UNC5D: variants seen among roughly 807,000 people sequenced by gnomAD.
UNC5D encodes netrin receptor UNC5D.
UNC5D carries 39 observed loss-of-function variants against 105.4 expected under a neutral mutation model. The ratio of observed to expected loss-of-function variants is 0.37; its 90% CI spans 0.29 to 0.48. UNC5D has a LOEUF of 0.48. Ranked by LOEUF, UNC5D falls within the 20% of genes least tolerant of loss-of-function variation. The probability of loss-of-function intolerance (pLI) is 0.98; values close to 1 mark genes in which losing one functional copy is unlikely to be tolerated. For synonymous variants in UNC5D, 452 were observed against 450.4 expected (o/e 1.00, Z -0.04); for missense variants, 991 against 1,202.4 (o/e 0.82, Z 2.60).
chr8:35,499,727 G>T (rs1811849502), intron 1 of UNC5D, among the ~76,000 whole-genome samples: 1 of 152,162 alleles, frequency 6.6e-6, no homozygotes, highest in Non-Finnish European at 1.5e-5. Flanking sequence ...TTTATAAGCA[G>T]CATGGAACAG....
intron 16 of UNC5D, among the ~76,000 whole-genome samples, chr8:35,784,882 T>A (rs1453873286): frequency 6.6e-6 from 1 of 152,176 alleles, no homozygotes; most frequent in Admixed American, 6.5e-5. Context: ...GAAAAGGCTA[T>A]AACAAAAGGT....
At chr8:35,686,171 A>C (rs1015966762) in intron 6 of UNC5D, among the ~76,000 whole-genome samples, 1 of 152,302 alleles carries the variant, frequency 6.6e-6, no homozygotes, top group East Asian at 1.9e-4. Flanking sequence ...AACCACTAAG[A>C]AAGTGGCTGA....
chr8:35,271,149 A>G (rs1051680680), intron 1 of UNC5D, among the ~76,000 whole-genome samples: 10 of 150,504 alleles, frequency 6.6e-5, no homozygotes, highest in Non-Finnish European at 1.3e-4. Context: ...TTGATTTTGG[A>G]GATTTTTGTC....
chr8:35,271,502 T>A (rs1805329885), intron 1 of UNC5D, among the ~76,000 whole-genome samples: 2 of 144,648 alleles, frequency 1.4e-5, no homozygotes, highest in African/African-American at 5.0e-5. Flanking sequence ...TATTTAGGTC[T>A]ACATATGTAT....
intron 1 of UNC5D, among the ~76,000 whole-genome samples, chr8:35,489,697 A>G (rs1811076059): frequency 6.6e-6 from 1 of 152,186 alleles, no homozygotes; most frequent in Non-Finnish European, 1.5e-5. Context: ...AAACTAATAC[A>G]CTTGGCAGTT....
rs1490770807 is a variant in UNC5D, at chr8:35,235,663, G to C, written c.-122G>C. On this transcript the variant is annotated 5_prime_UTR_variant, in exon 1 of 17. Coordinates refer to ENST00000404895, the MANE Select transcript of UNC5D (RefSeq NM_080872.4). The stretch of plus-strand genomic sequence containing the variant: ...TGCCCCGCTGCTTTAGGAAGCGATC[G>C]TGGAGCAGAGTCACTCTCTGAAGAC... 1 of 725,648 alleles carries C rather than the reference G, an allele frequency of 1.4e-6. No individual in the cohort carries two copies. The highest frequency in any genetic ancestry group is 1.9e-6 in the Non-Finnish European group (1 of 528,088). 45.0% of individuals were successfully genotyped at this position (725,648 alleles called of 1,614,324 possible). A position where few individuals can be genotyped will look rare whatever the true frequency, so the allele number is the denominator to read the frequency against.
intron 1 of UNC5D, among the ~76,000 whole-genome samples, chr8:35,326,845 AC>A (rs939596304): frequency 2.0e-5 from 3 of 152,126 alleles, no homozygotes; most frequent in African/African-American, 7.2e-5. Context: ...TGCAGGAATC[AC>A]CACTAGGGGA....
At chr8:35,578,518 A>G (rs2589746) in intron 3 of UNC5D, among the ~76,000 whole-genome samples, 13,920 of 152,254 alleles carry the variant, frequency 0.091, 661 homozygotes, top group Middle Eastern at 0.11. Context: ...ATCTGCGAAA[A>G]TAAAACATGG....
At chr8:35,455,347 C>T (rs1031320496) in intron 1 of UNC5D, among the ~76,000 whole-genome samples, 10 of 150,586 alleles carry the variant, frequency 6.6e-5, no homozygotes, top group Admixed American at 1.3e-4. Context: ...GGTGAAATCT[C>T]GGCTCACTGC....
rs185234347 is a variant in UNC5D at position 35,451,286 on chromosome 8, G to A, written c.104-98006G>A. ...TTGAACTCCCAACCTCAGGTGATCC[G>A]CCTGCCTCAGCCTCCCAAAGTGCTG... On this transcript the variant is annotated intron_variant, in intron 1 of 16. Coordinates refer to ENST00000404895, the MANE Select transcript of UNC5D (RefSeq NM_080872.4). Among the ~76,000 whole-genome samples the A allele has an allele frequency of 2.1e-4, 32 of 152,036 alleles. No individual in the cohort carries two copies. In the East Asian group the frequency reaches 2.7e-3, roughly 13 times the overall value.
intron 1 of UNC5D, among the ~76,000 whole-genome samples, chr8:35,385,177 T>C (rs2128935597): frequency 6.6e-6 from 1 of 152,284 alleles, no homozygotes; most frequent in Non-Finnish European, 1.5e-5. Flanking sequence ...ATCTCACCCA[T>C]CCCTTTACTC....
chr8:35,772,144 A>G (rs1158794624), intron 15 of UNC5D, among the ~76,000 whole-genome samples: 1 of 152,224 alleles, frequency 6.6e-6, no homozygotes, highest in Admixed American at 6.5e-5. Context: ...TAATATAATA[A>G]CATGTACTTT....
At chr8:35,239,410 C>T (rs1441080590) in intron 1 of UNC5D, among the ~76,000 whole-genome samples, 4 of 151,870 alleles carry the variant, frequency 2.6e-5, no homozygotes, top group Non-Finnish European at 4.4e-5. Flanking sequence ...CTACCAAATG[C>T]AGTACCCAAC....
intron 4 of UNC5D, among the ~76,000 whole-genome samples, chr8:35,650,312 TGA>T (rs1823327321): frequency 6.6e-6 from 1 of 152,094 alleles, no homozygotes; most frequent in South Asian, 2.1e-4. Context: ...TCTTCCTCTC[TGA>T]GGTCATATAC....
rs780208018 is a variant in UNC5D at position 35,726,463 on chromosome 8, A to C, written c.1615A>C (p.Arg539=). Residue 539 remains arginine (R), a synonymous_variant, in exon 10 of 17, where the codon AGG becomes CGG. Transcript: ENST00000404895. ...CCAAAATCTGTCATCACTCCCCACA[A>C]GGACAGAACTGAGGACAACTGGTGT... The part of the protein sequence containing the change: ...YIQNLSSLPT[R]TELRTTGVFG... 1.2e-5 allele frequency: 19 copies of C among 1,614,004 alleles called. No individual in the cohort carries two copies. The highest frequency in any genetic ancestry group is 1.6e-5 in the Non-Finnish European group (19 of 1,180,022).
chr8:35,662,489 T>C (rs1167420092), intron 4 of UNC5D, among the ~76,000 whole-genome samples: 1 of 152,046 alleles, frequency 6.6e-6, no homozygotes, highest in African/African-American at 2.4e-5. Context: ...CTTTAAGAGA[T>C]GAGCCTTGGT....
At chr8:35,549,909 T>G (rs190969267) in intron 2 of UNC5D, among the ~76,000 whole-genome samples, 1 of 152,148 alleles carries the variant, frequency 6.6e-6, no homozygotes, top group Non-Finnish European at 1.5e-5. Flanking sequence ...TCCTAGATTT[T>G]ATTCTTTGCA....
chr8:35,655,822 A>G (rs1203907769), intron 4 of UNC5D, among the ~76,000 whole-genome samples: 1 of 152,198 alleles, frequency 6.6e-6, no homozygotes, highest in Non-Finnish European at 1.5e-5. Flanking sequence ...AAATTATAAT[A>G]AACAGCTACA....
Position 35,328,100 on chromosome 8 carries a change from C to T in UNC5D, c.103+92213C>T, listed in dbSNP as rs191989463. ...GTAACACTGGCAAAGATGTGGGTGA[C>T]CCCTCCACCTCCAAAACTCAGTTGA... is the stretch of plus-strand genomic sequence containing the variant. On this transcript the variant is annotated intron_variant, in intron 1 of 16. Transcript: ENST00000404895. Among the ~76,000 whole-genome samples, 8 of 152,166 alleles carry T rather than the reference C, an allele frequency of 5.3e-5. No individual in the cohort carries two copies. In the East Asian group the frequency reaches 1.4e-3, roughly 26 times the overall value.
Sources: allele counts gnomAD v4.1 joint callset (sites outside exome capture counted in the v4.1 genomes callset), GRCh38; gene constraint gnomAD v4.1.1; transcripts MANE v1.5; gene names NCBI Gene and HGNC (gene_info 2026-07-23, HGNC 2026-07-21).